MLLT3: variants seen among roughly 807,000 people sequenced by gnomAD.
MLLT3 encodes the protein MLLT3 super elongation complex subunit.
In MLLT3, 4 loss-of-function variants were observed where a neutral mutation model predicts 53.2. That is an observed-to-expected ratio of 0.08 (90% CI 0.04 to 0.17). The LOEUF is 0.17. MLLT3 is among the 10% of genes least tolerant of loss of function. MLLT3 has a pLI of 1.00. For synonymous variants in MLLT3, 283 were observed against 230.6 expected (o/e 1.23, Z -2.06); for missense variants, 569 against 684.0 (o/e 0.83, Z 1.87).
intron 2 of MLLT3, among the ~76,000 whole-genome samples, chr9:20,612,640 A>G (rs1175989674): frequency 6.6e-6 from 1 of 152,114 alleles, no homozygotes; most frequent in Non-Finnish European, 1.5e-5. Flanking sequence ...TTCTTTTAAG[A>G]AAAAGGATAT....
intron 4 of MLLT3, among the ~76,000 whole-genome samples, chr9:20,435,172 C>A (rs545693795): frequency 6.6e-6 from 1 of 152,046 alleles, no homozygotes; most frequent in African/African-American, 2.4e-5. Flanking sequence ...CACATGAGGG[C>A]GGCCTGGACT....
intron 1 of MLLT3, 160 bp downstream of exon 1, chr9:20,622,085 G>A (rs1476034496): frequency 9.0e-6 from 3 of 334,034 alleles, no homozygotes; most frequent in Non-Finnish European, 1.2e-5. Flanking sequence ...TGGGGGAGGA[G>A]GGGAGCGGAG....
At chr9:20,584,443 C>T (rs1819892738) in intron 2 of MLLT3, among the ~76,000 whole-genome samples, 1 of 152,166 alleles carries the variant, frequency 6.6e-6, no homozygotes, top group African/African-American at 2.4e-5. Flanking sequence ...TACCAATTTA[C>T]TGTATTAGTC....
At chr9:20,427,671 C>CA (rs1167415341) in intron 4 of MLLT3, among the ~76,000 whole-genome samples, 3 of 151,262 alleles carry the variant, frequency 2.0e-5, no homozygotes, top group Non-Finnish European at 4.4e-5. Flanking sequence ...AACACCAAAA[C>CA]AAAAAAACTA....
At chr9:20,600,717 A>C (rs1820399312) in intron 2 of MLLT3, among the ~76,000 whole-genome samples, 1 of 152,170 alleles carries the variant, frequency 6.6e-6, no homozygotes, top group Admixed American at 6.5e-5. Context: ...GCCAGAACTG[A>C]CTGCCTGAAC....
chr9:20,578,708 GATCA>G (rs1167280557), intron 2 of MLLT3, among the ~76,000 whole-genome samples: 1 of 151,848 alleles, frequency 6.6e-6, no homozygotes, highest in Non-Finnish European at 1.5e-5. Flanking sequence ...TTTAAAATAT[GATCA>G]ATTACTAGAA....
At chr9:20,573,362 AT>A (rs917280783) in intron 2 of MLLT3, among the ~76,000 whole-genome samples, 62 of 151,908 alleles carry the variant, frequency 4.1e-4, no homozygotes, top group African/African-American at 1.5e-3. Context: ...TGTATTTTTC[AT>A]AAAGATGGGT....
chr9:20,487,895 C>T (rs1368348450), intron 2 of MLLT3, among the ~76,000 whole-genome samples: 1 of 152,018 alleles, frequency 6.6e-6, no homozygotes, highest in Admixed American at 6.5e-5. Flanking sequence ...AAACTCATAA[C>T]TCAAAGTTCA....
At chr9:20,509,524 T>G (rs1409394531) in intron 2 of MLLT3, among the ~76,000 whole-genome samples, 4 of 152,202 alleles carry the variant, frequency 2.6e-5, no homozygotes, top group Non-Finnish European at 4.4e-5. Context: ...TGTGTTTCTC[T>G]TCTACCTTGG....
At chr9:20,361,326 A>C (rs767677777) in intron 7 of MLLT3, among the ~76,000 whole-genome samples, 9 of 152,198 alleles carry the variant, frequency 5.9e-5, no homozygotes, top group African/African-American at 9.7e-5. Context: ...TCTCTGTTAC[A>C]GATGAAAAAG....
intron 2 of MLLT3, among the ~76,000 whole-genome samples, chr9:20,596,730 T>C (rs1483630528): frequency 6.6e-6 from 1 of 152,106 alleles, no homozygotes; most frequent in East Asian, 1.9e-4. Context: ...AATAAGCTGC[T>C]TGAAAACATT....
chr9:20,585,447 C>G (rs1009146623), intron 2 of MLLT3, among the ~76,000 whole-genome samples: 2 of 152,160 alleles, frequency 1.3e-5, no homozygotes, highest in Non-Finnish European at 2.9e-5. Flanking sequence ...CAAAAACAGT[C>G]AGTCCACAAC....
intron 2 of MLLT3, among the ~76,000 whole-genome samples, chr9:20,575,841 C>T (rs564911363): frequency 4.6e-5 from 7 of 152,180 alleles, no homozygotes; most frequent in Non-Finnish European, 7.3e-5. Context: ...AGAATGTAAA[C>T]GAGCACTGGC....
chr9:20,401,977 TGAA>T (rs1822467233), intron 5 of MLLT3, among the ~76,000 whole-genome samples: 1 of 152,088 alleles, frequency 6.6e-6, no homozygotes, highest in Non-Finnish European at 1.5e-5. Context: ...TAGTTGGCGT[TGAA>T]GAAGATGTAA....
At chr9:20,549,958 T>G (rs1012848538) in intron 2 of MLLT3, among the ~76,000 whole-genome samples, 31 of 152,290 alleles carry the variant, frequency 2.0e-4, no homozygotes, top group African/African-American at 7.5e-4. Flanking sequence ...AAGAATTTCA[T>G]ACAACTGAAT....
rs1056248435 is a variant in MLLT3 at position 20,448,428 on chromosome 9, C to T, written c.277-162G>A. ...AAAAAAAAAAGTATCATGGAATCAT[C>T]AGTGAAACAAAATAGAAATGTCTGA... On this transcript the variant is annotated intron_variant, in intron 3 of 10. Transcript: ENST00000380338. The surrounding 1 kb of genome is among the most constrained non-coding windows in gnomAD (Gnocchi z 4.0). 5.3e-5 allele frequency among the ~76,000 whole-genome samples: 8 copies of T among 152,048 alleles called. No homozygotes were observed. Among genetic ancestry groups the T allele is most frequent in the African/African-American group, 1.9e-4 (8 of 41,414 alleles).
At chr9:20,535,981 A>C (rs1818474110) in intron 2 of MLLT3, among the ~76,000 whole-genome samples, 1 of 152,212 alleles carries the variant, frequency 6.6e-6, no homozygotes, top group South Asian at 2.1e-4. Context: ...TCCTGTACTT[A>C]TTAAATATAA....
chr9:20,447,278 A>G (rs1823729505), intron 4 of MLLT3, among the ~76,000 whole-genome samples: 1 of 152,218 alleles, frequency 6.6e-6, no homozygotes, highest in Non-Finnish European at 1.5e-5. Flanking sequence ...CATATAGAAA[A>G]TAACTTCATA....
chr9:20,576,186 C>T (rs989613141), intron 2 of MLLT3, among the ~76,000 whole-genome samples: 1 of 152,230 alleles, frequency 6.6e-6, no homozygotes, highest in Non-Finnish European at 1.5e-5. Context: ...TCACCTCTCT[C>T]AGCATTCAGA....
Sources: gnomAD v4.1 joint callset for allele counts (sites outside exome capture counted in the v4.1 genomes callset) on GRCh38, gnomAD v4.1.1 for gene constraint, Gnocchi (gnomAD v3.1) non-coding constraint, MANE v1.5 for transcripts, NCBI Gene and HGNC (gene_info 2026-07-23, HGNC 2026-07-21) for gene names.